The following LYPLAL1 variants were observed in gnomAD, a reference collection of about 807,000 sequenced individuals.
LYPLAL1 encodes the protein lysophospholipase-like protein 1.
In LYPLAL1, 23 loss-of-function variants were observed where a neutral mutation model predicts 19.7. The observed-to-expected ratio is 1.17, with a 90% confidence interval of 0.84 to 1.65. The LOEUF is 1.65. LYPLAL1 is among the 40% of genes most tolerant of loss of function. The pLI is 0.00. For synonymous variants in LYPLAL1, 119 were observed against 96.3 expected (o/e 1.24, Z -1.38); for missense variants, 355 against 279.4 (o/e 1.27, Z -1.93).
chr1:219,308,406 C>CT, the LYPLAL1 span, among the ~76,000 whole-genome samples: 1 of 152,186 alleles, frequency 6.6e-6, no homozygotes. Flanking sequence ...TAATGAGGAG[C>CT]TGAATTTTAA....
At chr1:219,181,311 G>T (rs1392442377) in intron 2 of LYPLAL1, among the ~76,000 whole-genome samples, 1 of 152,022 alleles carries the variant, frequency 6.6e-6, no homozygotes. Flanking sequence ...ACATTTACGT[G>T]CTTCATAACC....
chr1:219,322,167 C>T, the LYPLAL1 span, among the ~76,000 whole-genome samples: 4 of 152,126 alleles, frequency 2.6e-5, no homozygotes, highest in African/African-American at 7.2e-5. Flanking sequence ...ACAATTATGG[C>T]CAGGTTTATC....
the LYPLAL1 span, among the ~76,000 whole-genome samples, chr1:219,340,251 G>A: frequency 6.6e-6 from 1 of 152,034 alleles, no homozygotes; most frequent in Admixed American, 6.6e-5. Flanking sequence ...TCTGTCTGGG[G>A]CAGCTTTAGT....
chr1:219,205,638 A>G (rs966360686), intron 3 of LYPLAL1, among the ~76,000 whole-genome samples: 35 of 152,298 alleles, frequency 2.3e-4, no homozygotes, highest in African/African-American at 7.0e-4. Context: ...TAATTTTGCA[A>G]TAAGATTAAA....
chr1:219,182,611 T>A (rs1253256189), intron 2 of LYPLAL1, among the ~76,000 whole-genome samples: 1 of 152,146 alleles, frequency 6.6e-6, no homozygotes, highest in Non-Finnish European at 1.5e-5. Context: ...ATAACCTTTT[T>A]AAAAATTTAT....
chr1:219,231,073 C>T, the LYPLAL1 span, among the ~76,000 whole-genome samples: 1 of 152,150 alleles, frequency 6.6e-6, no homozygotes, highest in Non-Finnish European at 1.5e-5. Context: ...ACTCATAGGG[C>T]ATTTCTAAAA....
the LYPLAL1 span, among the ~76,000 whole-genome samples, chr1:219,329,563 A>T: frequency 6.6e-6 from 1 of 152,184 alleles, no homozygotes; most frequent in Non-Finnish European, 1.5e-5. Flanking sequence ...TAAATGAAGC[A>T]TTCTAAATAG....
the LYPLAL1 span, among the ~76,000 whole-genome samples, chr1:219,332,423 A>G: frequency 3.3e-4 from 50 of 152,268 alleles, no homozygotes; most frequent in African/African-American, 1.2e-3. Context: ...TGAAGCAGAG[A>G]TGAGTAATCC....
intron 1 of LYPLAL1, among the ~76,000 whole-genome samples, chr1:219,175,535 C>A (rs1471452575): frequency 6.6e-6 from 1 of 151,912 alleles, no homozygotes; most frequent in Non-Finnish European, 1.5e-5. Flanking sequence ...AATAATTATC[C>A]TTTTTTTGAA....
chr1:219,344,561 A>C, the LYPLAL1 span, among the ~76,000 whole-genome samples: 1 of 152,174 alleles, frequency 6.6e-6, no homozygotes, highest in Non-Finnish European at 1.5e-5. Flanking sequence ...TTATATCAAC[A>C]GCCTTAACAT....
At chr1:219,174,094 G>C in intron 1 of LYPLAL1, 113 bp downstream of exon 1, 3 of 1,509,718 alleles carry the variant, frequency 2.0e-6, no homozygotes, top group Non-Finnish European at 2.7e-6. Context: ...GGCCCAGTGG[G>C]TGGCTCCCCC....
chr1:219,265,223 A>G, the LYPLAL1 span, among the ~76,000 whole-genome samples: 7 of 152,194 alleles, frequency 4.6e-5, no homozygotes, highest in South Asian at 1.4e-3. Flanking sequence ...CCTTGATTAC[A>G]TGGATTAAAA....
chr1:219,334,925 T>A, the LYPLAL1 span, among the ~76,000 whole-genome samples: 3 of 151,932 alleles, frequency 2.0e-5, no homozygotes, highest in Non-Finnish European at 1.5e-5. Flanking sequence ...AATTTGTATA[T>A]TTTATAGCAT....
At chr1:219,208,149 C>G (rs1211752400) in intron 3 of LYPLAL1, among the ~76,000 whole-genome samples, 1 of 152,048 alleles carries the variant, frequency 6.6e-6, no homozygotes, top group Non-Finnish European at 1.5e-5. Flanking sequence ...TTGGTAAGCT[C>G]TATTCTGTGA....
chr1:219,410,642 G>T, the LYPLAL1 span, among the ~76,000 whole-genome samples: 1 of 152,246 alleles, frequency 6.6e-6, no homozygotes, highest in Non-Finnish European at 1.5e-5. Context: ...CTTGCAGGGA[G>T]GTGTGGAGGG....
the LYPLAL1 span, among the ~76,000 whole-genome samples, chr1:219,291,164 G>A: frequency 6.6e-6 from 1 of 152,104 alleles, no homozygotes; most frequent in Non-Finnish European, 1.5e-5. Context: ...TCATACAATG[G>A]TGTTTGTTGA....
At chr1:219,330,218 AG>A in the LYPLAL1 span, among the ~76,000 whole-genome samples, 1 of 152,232 alleles carries the variant, frequency 6.6e-6, no homozygotes, top group Non-Finnish European at 1.5e-5. Flanking sequence ...GGCAAAAGCT[AG>A]TAAGCCACAG....
the LYPLAL1 span, among the ~76,000 whole-genome samples, chr1:219,361,979 G>A: frequency 1.3e-5 from 2 of 152,116 alleles, no homozygotes; most frequent in East Asian, 3.9e-4. Context: ...CCCTGTTTGG[G>A]CCAGTTTTCT....
At chr1:219,406,668 C>G in the LYPLAL1 span, among the ~76,000 whole-genome samples, 1 of 151,968 alleles carries the variant, frequency 6.6e-6, no homozygotes, top group East Asian at 1.9e-4. Flanking sequence ...ATCATGAAAC[C>G]CTATGCTGAA....
Sources: allele counts gnomAD v4.1 joint callset (sites outside exome capture counted in the v4.1 genomes callset), GRCh38; gene constraint gnomAD v4.1.1; transcripts MANE v1.5; gene names NCBI Gene and HGNC (gene_info 2026-07-23, HGNC 2026-07-21).